RBFOX1: variants seen among roughly 807,000 people sequenced by gnomAD.
RBFOX1 encodes the protein RNA binding protein fox-1 homolog 1.
Under a neutral mutation model 57.7 loss-of-function variants are expected in RBFOX1, and 8 were observed. The ratio of observed to expected loss-of-function variants is 0.14; its 90% CI spans 0.08 to 0.25. The LOEUF is 0.25. Ranked by LOEUF, RBFOX1 falls within the 10% of genes least tolerant of loss-of-function variation. The pLI is 1.00. For synonymous variants in RBFOX1, 326 were observed against 222.4 expected (o/e 1.47, Z -4.15); for missense variants, 611 against 548.5 (o/e 1.11, Z -1.14).
At chr16:5,689,935 C>G (rs905698416) in intron 3 of RBFOX1, among the ~76,000 whole-genome samples, 1 of 152,136 alleles carries the variant, frequency 6.6e-6, no homozygotes, top group African/African-American at 2.4e-5. Flanking sequence ...AAGTATTGAC[C>G]TGGAGACGTA....
chr16:7,192,223 T>A (rs67509262), intron 4 of RBFOX1, among the ~76,000 whole-genome samples: 46,746 of 152,146 alleles, frequency 0.31, 8,083 homozygotes, highest in African/African-American at 0.47. Context: ...TTACTGGCAT[T>A]TTATTGTTTT....
At chr16:7,573,400 C>T (rs1335576154) in intron 5 of RBFOX1, among the ~76,000 whole-genome samples, 1 of 152,036 alleles carries the variant, frequency 6.6e-6, no homozygotes, top group Non-Finnish European at 1.5e-5. Flanking sequence ...GGCCACTTTC[C>T]CGTCCACCTC....
chr16:6,205,466 C>G (rs912639854), intron 1 of RBFOX1, among the ~76,000 whole-genome samples: 1 of 152,174 alleles, frequency 6.6e-6, no homozygotes, highest in Non-Finnish European at 1.5e-5. Context: ...TTCTTCTCTG[C>G]GTCTGCTTCT....
intron 1 of RBFOX1, among the ~76,000 whole-genome samples, chr16:5,297,426 A>G (rs2063696423): frequency 6.6e-6 from 1 of 152,104 alleles, no homozygotes; most frequent in Non-Finnish European, 1.5e-5. Flanking sequence ...CTTTTTTATC[A>G]TAGTCGTTCT....
At chr16:6,804,216 G>T (rs1401192085) in intron 3 of RBFOX1, among the ~76,000 whole-genome samples, 5 of 151,974 alleles carry the variant, frequency 3.3e-5, no homozygotes. Flanking sequence ...CACTTTGTTG[G>T]CCAGGCTGGA....
Position 6,887,158 on chromosome 16 carries a change from C to T in RBFOX1, c.-15-164899C>T, listed in dbSNP as rs113959593. Reference sequence around the variant, plus strand: ...TGTTATTGTTGACTCTGCTGTTCTTCTTGTTATTGTTGGTATACTCTTTAG... The same window carrying T: ...TGTTATTGTTGACTCTGCTGTTCTTTTTGTTATTGTTGGTATACTCTTTAG... On this transcript the variant is annotated intron_variant, in intron 3 of 15. Coordinates refer to ENST00000550418, the MANE Select transcript of RBFOX1 (RefSeq NM_018723.4). Among the ~76,000 whole-genome samples, 915 of 152,232 alleles carry T rather than the reference C, an allele frequency of 6.0e-3. 14 individuals carry two copies. Among genetic ancestry groups the T allele is most frequent in the African/African-American group, 0.021 (865 of 41,510 alleles).
chr16:6,554,619 A>T (rs1446603670), intron 2 of RBFOX1, among the ~76,000 whole-genome samples: 1 of 152,178 alleles, frequency 6.6e-6, no homozygotes, highest in Non-Finnish European at 1.5e-5. Context: ...ATTTAAAGGT[A>T]TGGCCGAATG....
chr16:6,947,603 G>A (rs778031946), intron 3 of RBFOX1, among the ~76,000 whole-genome samples: 6 of 152,170 alleles, frequency 3.9e-5, no homozygotes, highest in Admixed American at 1.3e-4. Flanking sequence ...CCTGCCTTGC[G>A]TAGAAGGAAA....
chr16:7,249,604 A>G (rs1389064639), intron 4 of RBFOX1, among the ~76,000 whole-genome samples: 1 of 151,682 alleles, frequency 6.6e-6, no homozygotes, highest in Non-Finnish European at 1.5e-5. Context: ...CTTTCTTTAA[A>G]AAAAAAAAGA....
At chr16:7,420,390 A>G (rs1196686199) in intron 4 of RBFOX1, among the ~76,000 whole-genome samples, 1 of 152,210 alleles carries the variant, frequency 6.6e-6, no homozygotes, top group Admixed American at 6.5e-5. Flanking sequence ...AGGTATAAGA[A>G]GGAGGTTGGT....
intron 14 of RBFOX1, among the ~76,000 whole-genome samples, chr16:7,680,279 G>C (rs1205493861): frequency 2.0e-5 from 3 of 152,250 alleles, no homozygotes; most frequent in East Asian, 1.9e-4. Context: ...AGGTGCGGAG[G>C]GGGTGGAAAA....
rs574706640 is a variant in RBFOX1, at chr16:5,590,042, G to A, written c.259-8860G>A. The stretch of plus-strand genomic sequence containing the variant: ...AGCCTAGCGTTTCAGAGGAGTCTGC[G>A]TGTTACACACACACACACACACACA... On this transcript the variant is annotated intron_variant, in intron 2 of 2. Transcript: ENST00000585867. Among the ~76,000 whole-genome samples, 673 of 95,730 alleles carry A rather than the reference G, an allele frequency of 7.0e-3. 6 individuals carry two copies. Among genetic ancestry groups the A allele is most frequent in the African/African-American group, 0.024 (615 of 25,996 alleles). The allele number at this position is 95,730 out of a possible 152,430, so 62.8% of individuals were successfully genotyped here.
chr16:6,070,828 A>G (rs542805625), intron 1 of RBFOX1, among the ~76,000 whole-genome samples: 105 of 147,634 alleles, frequency 7.1e-4, no homozygotes, highest in Admixed American at 1.1e-3. Flanking sequence ...CCCCCCCCAC[A>G]CACACATTTG....
At position 7,383,063 on chromosome 16, in the gene RBFOX1, G is replaced by GA. The variant is rs201979928; in HGVS notation, c.28-135075dup. Among the ~76,000 whole-genome samples the GA allele has an allele frequency of 3.6e-3, 540 of 150,618 alleles. 4 individuals are homozygous for GA. The highest frequency in any genetic ancestry group is 0.012 in the African/African-American group (513 of 41,128). ...TAGAGAATTTTCTTTGGTATCTAAA[G>GA]AAAAAAAAATGCAATATCCAGTTGA... On this transcript the variant is annotated intron_variant, in intron 4 of 15. Coordinates refer to ENST00000550418, the MANE Select transcript of RBFOX1 (RefSeq NM_018723.4).
At chr16:7,345,395 G>A (rs1359570159) in intron 4 of RBFOX1, among the ~76,000 whole-genome samples, 3 of 152,176 alleles carry the variant, frequency 2.0e-5, no homozygotes, top group Non-Finnish European at 2.9e-5. Flanking sequence ...AAGGCTGTTC[G>A]GGCAGCCCTG....
chr16:6,541,946 C>G lies in RBFOX1; in HGVS notation c.-63-112657C>G, dbSNP rs1307211611. Reference sequence around the variant, plus strand: ...AGTGTTCATTGATTTACATCTCCCCCTTTTTTTTTTTAATTAAAGAGATTA... The same window carrying G: ...AGTGTTCATTGATTTACATCTCCCCGTTTTTTTTTTTAATTAAAGAGATTA... On this transcript the variant is annotated intron_variant, in intron 2 of 15. Transcript: ENST00000550418. 2.2e-4 allele frequency among the ~76,000 whole-genome samples: 33 copies of G among 146,698 alleles called. No individual in the cohort carries two copies. The Admixed American group carries it at 2.3e-3, about 10-fold the overall frequency.
chr16:7,267,921 A>G (rs2095212248), intron 4 of RBFOX1, among the ~76,000 whole-genome samples: 1 of 152,226 alleles, frequency 6.6e-6, no homozygotes, highest in South Asian at 2.1e-4. Flanking sequence ...CAGTACAGTC[A>G]TGCAGCACTT....
intron 3 of RBFOX1, among the ~76,000 whole-genome samples, chr16:5,698,954 T>G: frequency 6.6e-6 from 1 of 151,748 alleles, no homozygotes; most frequent in East Asian, 1.9e-4. Flanking sequence ...TGGTTTTAGA[T>G]ATCTCTCTTA....
intron 4 of RBFOX1, among the ~76,000 whole-genome samples, chr16:7,082,394 A>G (rs937941023): frequency 3.3e-5 from 5 of 151,946 alleles, no homozygotes; most frequent in Admixed American, 1.3e-4. Context: ...CAGCTTGGGA[A>G]ACATGGCACA....
Sources: gnomAD v4.1 joint callset for allele counts (sites outside exome capture counted in the v4.1 genomes callset) on GRCh38, gnomAD v4.1.1 for gene constraint, MANE v1.5 for transcripts, NCBI Gene and HGNC (gene_info 2026-07-23, HGNC 2026-07-21) for gene names.